The following KLHL14 variants were observed in gnomAD, a reference collection of about 807,000 sequenced individuals.
KLHL14 encodes kelch-like protein 14.
In KLHL14, 22 loss-of-function variants were observed where a neutral mutation model predicts 64.3. The observed-to-expected ratio is 0.34, with a 90% CI of 0.24 to 0.49. The LOEUF (loss-of-function observed/expected upper bound fraction) is 0.49. KLHL14 is among the 20% of genes least tolerant of loss of function. KLHL14 has a pLI of 0.99. For synonymous variants in KLHL14, 322 were observed against 333.4 expected, an observed-to-expected ratio of 0.97 and a Z score of 0.37; for missense variants, 661 against 789.0, an observed-to-expected ratio of 0.84 and a Z score of 1.94.
Position 32,744,644 on chromosome 18 carries a change from CA to C in KLHL14, c.948-2596del, listed in dbSNP as rs565463298. The C allele has an allele frequency of 2.6e-4, 39 of 148,720 alleles. 1 individual carries two copies. In the South Asian group the frequency reaches 5.1e-3, roughly 20 times the overall value. The allele number at this position is 148,720 out of a possible 1,614,324, so 9.2% of individuals were successfully genotyped here. The stretch of plus-strand genomic sequence containing the variant: ...GGGCAACAAGAACAAAACTCCATCT[CA>C]AAAAAAAAATGTGTTTAATGGATGG... On this transcript the variant is annotated intron_variant, in intron 2 of 8. Coordinates refer to ENST00000359358, the MANE Select transcript of KLHL14 (RefSeq NM_020805.3).
At chr18:32,704,536 A>G (rs1046246156) in intron 3 of KLHL14, among the ~76,000 whole-genome samples, 1 of 152,214 alleles carries the variant, frequency 6.6e-6, no homozygotes, top group African/African-American at 2.4e-5. Context: ...CAGCCTGACT[A>G]ACATGGTGAA....
chr18:32,717,737 C>T (rs2050053394), intron 3 of KLHL14, among the ~76,000 whole-genome samples: 2 of 152,198 alleles, frequency 1.3e-5, no homozygotes, highest in South Asian at 4.1e-4. Flanking sequence ...TCCCTTGAAT[C>T]TCTCCCAGTC....
chr18:32,771,049 G>A, intron 1 of KLHL14: 1 of 315,114 alleles, frequency 3.2e-6, no homozygotes, highest in South Asian at 2.1e-5. Context: ...GGAAAGGCCG[G>A]GAAGTGGGGA....
At chr18:32,737,717 G>C (rs931044370) in intron 3 of KLHL14, 1 of 152,124 alleles carries the variant, frequency 6.6e-6, no homozygotes, top group African/African-American at 2.4e-5. Flanking sequence ...GTGGGTCAGA[G>C]GAGACAACCT....
At chr18:32,722,372 CAA>C (rs543788647) in intron 3 of KLHL14, among the ~76,000 whole-genome samples, 1 of 151,948 alleles carries the variant, frequency 6.6e-6, no homozygotes, top group African/African-American at 2.4e-5. Flanking sequence ...CAACAACAAC[CAA>C]AAAACGAGAG....
intron 8 of KLHL14, 119 bp from the exon 9 acceptor site, chr18:32,674,916 A>G: frequency 1.7e-6 from 1 of 597,356 alleles, no homozygotes; most frequent in Non-Finnish European, 3.0e-6. Flanking sequence ...TTCTTGCTAA[A>G]TAATTCCAAA....
At chr18:32,684,502 A>G (rs886737167) in intron 5 of KLHL14, among the ~76,000 whole-genome samples, 6 of 152,166 alleles carry the variant, frequency 3.9e-5, no homozygotes, top group African/African-American at 1.4e-4. Flanking sequence ...GACCCAGGCA[A>G]CAGTCTATAA....
intron 2 of KLHL14, among the ~76,000 whole-genome samples, chr18:32,765,263 T>C (rs1257166347): frequency 6.6e-6 from 1 of 152,208 alleles, no homozygotes; most frequent in East Asian, 1.9e-4. Context: ...GTTTTTTAAG[T>C]TAAGAAAATT....
chr18:32,770,353 G>T lies in KLHL14; in HGVS notation c.239C>A (p.Ala80Asp). The T allele has an allele frequency of 2.5e-6, 4 of 1,581,792 alleles. No homozygotes were observed. The highest frequency in any genetic ancestry group is 3.4e-6 in the Non-Finnish European group (4 of 1,164,546). Residue 80 changes from alanine (A) to aspartate (D), a missense_variant, in exon 2 of 9, where the codon GCC becomes GAC. Around this residue, in one of 2 missense-constraint regions of KLHL14, gnomAD observed 331 missense variants for 339.0 expected, o/e 0.98. Coordinates refer to ENST00000359358, the MANE Select transcript of KLHL14 (RefSeq NM_020805.3). The surrounding 1 kb of genome is among the most constrained non-coding windows in gnomAD (Gnocchi z 6.7). ...CGGCGGCTGCTGCTGGTCCTTGGGG[G>T]CCCCCAGGCCGTCCTGGCCGCCGAC... ...GGVGGQDGLG[A>D]PKDQQQPPQQ...
At chr18:32,742,372 G>A (rs370306620) in intron 2 of KLHL14, among the ~76,000 whole-genome samples, 2 of 152,250 alleles carry the variant, frequency 1.3e-5, no homozygotes, top group South Asian at 4.1e-4. Flanking sequence ...ATGCTCTGGA[G>A]TTGTACTAAG....
intron 2 of KLHL14, among the ~76,000 whole-genome samples, chr18:32,751,279 T>G (rs985599160): frequency 2.0e-5 from 3 of 152,348 alleles, no homozygotes; most frequent in Admixed American, 2.0e-4. Context: ...GAGAGTTTGT[T>G]CCAGCTGATT....
At chr18:32,748,097 T>C (rs922135053) in intron 2 of KLHL14, among the ~76,000 whole-genome samples, 3 of 152,236 alleles carry the variant, frequency 2.0e-5, no homozygotes, top group Non-Finnish European at 4.4e-5. Flanking sequence ...GCCATCAGAA[T>C]CTTTGAGGCA....
At chr18:32,755,812 G>T (rs2421643) in intron 2 of KLHL14, among the ~76,000 whole-genome samples, 119,670 of 152,080 alleles carry the variant, frequency 0.79, 51,968 homozygotes, top group East Asian at 0.99. Flanking sequence ...TTTGATTCTT[G>T]AAAAAGCTAC....
chr18:32,757,529 C>T (rs2050288223), intron 2 of KLHL14, among the ~76,000 whole-genome samples: 1 of 152,094 alleles, frequency 6.6e-6, no homozygotes, highest in South Asian at 2.1e-4. Flanking sequence ...TTTTGACATG[C>T]AGTACTTCTT....
At chr18:32,771,779 G>T (rs1171582180) in intron 1 of KLHL14, among the ~76,000 whole-genome samples, 7 of 151,732 alleles carry the variant, frequency 4.6e-5, no homozygotes, top group Non-Finnish European at 2.9e-5. Flanking sequence ...GTTGGGGGAG[G>T]GGTGGGGGCT....
chr18:32,679,285 T>C (rs2049826398), intron 7 of KLHL14, among the ~76,000 whole-genome samples: 1 of 152,178 alleles, frequency 6.6e-6, no homozygotes, highest in Admixed American at 6.5e-5. Flanking sequence ...ATCTAAACCA[T>C]TTAAAAAGAT....
intron 4 of KLHL14, among the ~76,000 whole-genome samples, chr18:32,694,980 C>G (rs1445404766): frequency 1.3e-5 from 2 of 152,180 alleles, no homozygotes; most frequent in South Asian, 2.1e-4. Flanking sequence ...GCAAAAGGTA[C>G]AGCAACTGGA....
intron 2 of KLHL14, among the ~76,000 whole-genome samples, chr18:32,750,608 C>T (rs1388059548): frequency 2.6e-5 from 4 of 152,212 alleles, no homozygotes; most frequent in Admixed American, 6.5e-5. Context: ...TACTTCTCTT[C>T]GCTGCCAGCT....
chr18:32,681,374 C>G (rs543768935), intron 5 of KLHL14, among the ~76,000 whole-genome samples: 4 of 152,044 alleles, frequency 2.6e-5, no homozygotes, highest in African/African-American at 4.8e-5. Context: ...CACTGAGGAC[C>G]TGAATTAGAG....
Sources: gnomAD v4.1 joint callset for allele counts (sites outside exome capture counted in the v4.1 genomes callset) on GRCh38, gnomAD v4.1.1 for gene constraint, gnomAD v4.1.1 regional missense constraint, Gnocchi (gnomAD v3.1) non-coding constraint, MANE v1.5 for transcripts, NCBI Gene and HGNC (gene_info 2026-07-23, HGNC 2026-07-21) for gene names.